The following GPR84 variants were observed in gnomAD, a reference collection of about 807,000 sequenced individuals.
GPR84 encodes G-protein coupled receptor 84.
In GPR84, 8 loss-of-function variants were observed where a neutral mutation model predicts 14.9. That is an observed-to-expected ratio of 0.54 (90% CI 0.31 to 0.97). GPR84 has a LOEUF of 0.97. Ranked by LOEUF, GPR84 falls within the 50% of genes least tolerant of loss-of-function variation. The pLI is 0.04. For missense variants in GPR84, 424 were observed against 498.7 expected (o/e 0.85, Z 1.43); for synonymous variants, 164 against 198.1 (o/e 0.83, Z 1.45).
At chr12:54,356,561 C>T in the GPR84 span, among the ~76,000 whole-genome samples, 6 of 152,332 alleles carry the variant, frequency 3.9e-5, no homozygotes, top group East Asian at 9.6e-4. Context: ...TCAGAAGCCT[C>T]CACAAACCCA....
At chr12:54,356,651 C>T in the GPR84 span, among the ~76,000 whole-genome samples, 21 of 152,122 alleles carry the variant, frequency 1.4e-4, no homozygotes, top group Admixed American at 9.8e-4. Context: ...TCCTGGAAGA[C>T]GGCTGCTAGA....
At chr12:54,351,859 GAT>G in the GPR84 span, 1 of 152,254 alleles carries the variant, frequency 6.6e-6, no homozygotes, top group African/African-American at 2.4e-5. Flanking sequence ...GCCTTTGTGT[GAT>G]GTTTCTGTTT....
the GPR84 span, among the ~76,000 whole-genome samples, chr12:54,356,432 A>T: frequency 6.6e-6 from 1 of 152,080 alleles, no homozygotes; most frequent in Non-Finnish European, 1.5e-5. Context: ...GAGGAGAGGG[A>T]ACAGTATGAT....
In GPR84 at chr12:54,362,859, G is replaced by T. The variant is rs753725310; in HGVS notation, c.993C>A (p.Ser331Arg). The T allele has an allele frequency of 6.2e-7, 1 of 1,614,218 alleles. No individual in the cohort carries two copies. Among genetic ancestry groups the T allele is most frequent in the South Asian group, 1.1e-5 (1 of 91,086 alleles). The change falls in exon 2 of 2, where the codon AGC (serine) becomes AGA (arginine). Residue 331 changes from serine (S) to arginine (R), a missense_variant. Coordinates refer to ENST00000267015, the MANE Select transcript of GPR84 (RefSeq NM_020370.3). The surrounding 1 kb of genome is among the most constrained non-coding windows in gnomAD (Gnocchi z 4.0). ...CFAVFLCFAL[S>R]YIPFLLLNIL... The stretch of plus-strand genomic sequence containing the variant: ...TGTTGAGCAGCAAGAAGGGGATGTA[G>T]CTCAGGGCAAAGCAGAGGAACACAG...
the GPR84 span, among the ~76,000 whole-genome samples, chr12:54,355,599 A>G: frequency 1.3e-3 from 198 of 150,040 alleles, 1 homozygote; most frequent in African/African-American, 4.5e-3. Context: ...CCATCCCCTC[A>G]CTGCCCACCC....
downstream of GPR84, among the ~76,000 whole-genome samples, chr12:54,361,646 C>T (rs1163159300): frequency 2.0e-5 from 3 of 152,214 alleles, no homozygotes; most frequent in African/African-American, 7.2e-5. This position sits in a 1 kb window ranked among gnomAD's most constrained non-coding sequence, Gnocchi z 4.3. Context: ...GCTGGGATTA[C>T]AGGCATGAGC....
At position 54,363,019 on chromosome 12, in the gene GPR84, A is replaced by G. The variant is rs754223229; in HGVS notation, c.833T>C (p.Ile278Thr). Reference protein sequence around the residue: ...EGDSSEVGDQINSKRAKQMAE... With the variant: ...EGDSSEVGDQTNSKRAKQMAE... The stretch of plus-strand genomic sequence containing the variant: ...CATCTGCTTAGCTCTCTTGCTGTTG[A>G]TCTGGTCTCCCACTTCTGATGAGTC... The change falls in exon 2 of 2, where the codon ATC (isoleucine) becomes ACC (threonine). Residue 278 changes from isoleucine to threonine, a missense_variant. Ile to Thr is a moderately conservative substitution (Grantham distance 89, BLOSUM62 -1). Transcript: ENST00000267015. 2.5e-6 allele frequency: 4 copies of G among 1,613,912 alleles called. No individual in the cohort carries two copies. Among genetic ancestry groups the G allele is most frequent in the Non-Finnish European group, 3.4e-6 (4 of 1,179,968 alleles).
At chr12:54,353,386 C>G in the GPR84 span, among the ~76,000 whole-genome samples, 6 of 151,950 alleles carry the variant, frequency 3.9e-5, no homozygotes, top group African/African-American at 1.5e-4. Flanking sequence ...GTGGCTACAG[C>G]CTGAACAGTG....
At chr12:54,356,267 A>G in the GPR84 span, among the ~76,000 whole-genome samples, 1 of 152,232 alleles carries the variant, frequency 6.6e-6, no homozygotes, top group Admixed American at 6.5e-5. Context: ...AATGAAATTT[A>G]CCAAGGGCTA....
At chr12:54,356,940 C>T in the GPR84 span, among the ~76,000 whole-genome samples, 1 of 152,022 alleles carries the variant, frequency 6.6e-6, no homozygotes, top group Non-Finnish European at 1.5e-5. Flanking sequence ...GTGGGCACAC[C>T]AAGTAAGGAA....
chr12:54,361,600 ACCT>A (rs1374853341), downstream of GPR84, among the ~76,000 whole-genome samples: 1 of 151,572 alleles, frequency 6.6e-6, no homozygotes, highest in Non-Finnish European at 1.5e-5. The surrounding 1 kb of genome is among the most constrained non-coding windows in gnomAD (Gnocchi z 4.3). Context: ...CGAACTCCTG[ACCT>A]CAGGTGATCC....
At chr12:54,353,230 G>A in the GPR84 span, among the ~76,000 whole-genome samples, 1 of 152,162 alleles carries the variant, frequency 6.6e-6, no homozygotes, top group Non-Finnish European at 1.5e-5. Flanking sequence ...AGCAGAGCCT[G>A]GGAGCAGGGT....
At chr12:54,358,609 A>C (rs1954233857), downstream of GPR84, among the ~76,000 whole-genome samples, 1 of 152,046 alleles carries the variant, frequency 6.6e-6, no homozygotes, top group African/African-American at 2.4e-5. Context: ...TGTGAAAAGG[A>C]AATTTCCGTC....
downstream of GPR84, among the ~76,000 whole-genome samples, chr12:54,360,328 T>C (rs1954256131): frequency 6.6e-6 from 1 of 150,848 alleles, no homozygotes; most frequent in Non-Finnish European, 1.5e-5. Context: ...ATAATATATG[T>C]ACAGGGAACT....
chr12:54,355,622 C>T, the GPR84 span, among the ~76,000 whole-genome samples: 1 of 152,074 alleles, frequency 6.6e-6, no homozygotes, highest in East Asian at 1.9e-4. Flanking sequence ...CATGCCTGCC[C>T]ACCAGCTGCT....
rs1954296298 is a variant in GPR84 at position 54,363,627 on chromosome 12, G to T, written c.225C>A (p.Pro75=). ...GGTGGAGGTAGGTGTCCACAGAGAA[G>T]GGCTGAAGGAGCGTGCAGTAGAGGA... is the stretch of plus-strand genomic sequence containing the variant. ...ADLLYCTLLQ[P]FSVDTYLHLH... is the part of the protein sequence containing the mutation. The change falls in exon 2 of 2, where the codon CCC becomes CCA. Residue 75 remains proline, a synonymous_variant. Transcript: ENST00000267015. 6.2e-7 allele frequency: 1 copy of T among 1,614,020 alleles called. No homozygotes were observed. The highest frequency in any genetic ancestry group is 8.5e-7 in the Non-Finnish European group (1 of 1,179,928).
the GPR84 span, chr12:54,351,727 G>A: frequency 1.3e-5 from 2 of 152,200 alleles, no homozygotes; most frequent in Non-Finnish European, 2.9e-5. Flanking sequence ...CAGCACTGAG[G>A]TGGGGCAGAT....
At chr12:54,356,248 GAAGA>G in the GPR84 span, among the ~76,000 whole-genome samples, 7 of 152,228 alleles carry the variant, frequency 4.6e-5, no homozygotes, top group African/African-American at 1.7e-4. Flanking sequence ...CCTGAAGAAA[GAAGA>G]AAGAAATGAA....
chr12:54,355,054 T>C, the GPR84 span, among the ~76,000 whole-genome samples: 2 of 151,472 alleles, frequency 1.3e-5, no homozygotes, highest in African/African-American at 4.9e-5. Context: ...GTCCAAAGAA[T>C]TTGGGGAGGG....
Sources: allele counts gnomAD v4.1 joint callset (sites outside exome capture counted in the v4.1 genomes callset), GRCh38; gene constraint gnomAD v4.1.1; non-coding constraint Gnocchi (gnomAD v3.1); transcripts MANE v1.5; gene names NCBI Gene and HGNC (gene_info 2026-07-23, HGNC 2026-07-21).